Variants in NTM observed in about 807,000 individuals in gnomAD.
NTM encodes the protein neurotrimin.
A neutral mutation model predicts 42.1 loss-of-function variants in NTM; 13 were observed. The observed-to-expected ratio is 0.31, with a 90% CI of 0.20 to 0.49. The LOEUF is 0.49. Ranked by LOEUF, NTM falls within the 20% of genes least tolerant of loss-of-function variation. NTM has a pLI of 0.99. For synonymous variants in NTM, 187 were observed against 179.2 expected, an observed-to-expected ratio of 1.04 and a Z score of -0.35; for missense variants, 373 against 452.8, an observed-to-expected ratio of 0.82 and a Z score of 1.60.
chr11:131,481,523 G>A (rs745603523), intron 1 of NTM, among the ~76,000 whole-genome samples: 16 of 152,350 alleles, frequency 1.1e-4, no homozygotes, highest in Middle Eastern at 6.8e-3. Flanking sequence ...GATGTGGCCA[G>A]CAATGGCAAA....
chr11:131,408,956 G>C (rs1946096406), intron 1 of NTM, among the ~76,000 whole-genome samples: 1 of 152,204 alleles, frequency 6.6e-6, no homozygotes, highest in Admixed American at 6.5e-5. Flanking sequence ...TACCTTTGGA[G>C]AAACAGAAAT....
chr11:131,820,815 A>T (rs910286482), intron 1 of NTM, among the ~76,000 whole-genome samples: 2 of 152,208 alleles, frequency 1.3e-5, no homozygotes, highest in East Asian at 3.9e-4. Context: ...GATCAATCAC[A>T]ATGTTGTACT....
chr11:131,604,274 A>G (rs2060737839), intron 1 of NTM, among the ~76,000 whole-genome samples: 1 of 152,122 alleles, frequency 6.6e-6, no homozygotes, highest in Non-Finnish European at 1.5e-5. Context: ...TTCCCTAATG[A>G]GTAATGATGC....
At chr11:131,803,460 C>A (rs2092293205) in intron 1 of NTM, among the ~76,000 whole-genome samples, 1 of 152,040 alleles carries the variant, frequency 6.6e-6, no homozygotes, top group South Asian at 2.1e-4. Context: ...AGGTGTGCAC[C>A]ACCACACCCA....
intron 2 of NTM, among the ~76,000 whole-genome samples, chr11:131,928,525 G>A (rs187320659): frequency 2.0e-4 from 30 of 150,746 alleles, no homozygotes; most frequent in Admixed American, 1.8e-3. Context: ...GTGGTCTCCC[G>A]TCTGTGTTTT....
rs1339904054 is a variant in NTM, at chr11:131,660,230, C to T, written c.83-251334C>T. On this transcript the variant is annotated intron_variant, in intron 1 of 8. Transcript: ENST00000683400. Reference sequence around the variant, plus strand: ...TCATGTATTGAGGCAGGGGACTGAACACAATGACCCATTCAGGTGGTTGTT... The same window carrying T: ...TCATGTATTGAGGCAGGGGACTGAATACAATGACCCATTCAGGTGGTTGTT... 1.2e-5 allele frequency: 4 copies of T among 330,392 alleles called. No individual in the cohort carries two copies. In the East Asian group the frequency reaches 2.3e-4, roughly 19 times the overall value. 20.5% of individuals were successfully genotyped at this position (330,392 alleles called of 1,614,324 possible).
At chr11:131,744,970 T>G (rs1423887478) in intron 1 of NTM, among the ~76,000 whole-genome samples, 3 of 152,124 alleles carry the variant, frequency 2.0e-5, no homozygotes, top group African/African-American at 7.2e-5. Context: ...TGCAAGCACT[T>G]TGAGTGCTGA....
intron 1 of NTM, chr11:131,774,161 C>A: frequency 1.0e-6 from 1 of 974,654 alleles, no homozygotes; most frequent in Non-Finnish European, 1.2e-6. Flanking sequence ...GGAAACCCAT[C>A]AGCTCTAAGA....
intron 2 of NTM, among the ~76,000 whole-genome samples, chr11:132,049,408 TGCCAGTCTCCTC>T (rs2135898612): frequency 6.6e-6 from 1 of 152,280 alleles, no homozygotes; most frequent in African/African-American, 2.4e-5. Context: ...CTTTCATCCA[TGCCAGTCTCCTC>T]CCTGGAAGAG....
intron 1 of NTM, among the ~76,000 whole-genome samples, chr11:131,525,856 T>TA (rs1404275433): frequency 1.7e-4 from 26 of 152,100 alleles, no homozygotes; most frequent in Admixed American, 1.7e-3. Context: ...TGTGTGTGTG[T>TA]GTGTGCATGT....
chr11:132,047,917 G>A (rs2078245289), intron 2 of NTM, among the ~76,000 whole-genome samples: 2 of 152,290 alleles, frequency 1.3e-5, no homozygotes, highest in East Asian at 3.9e-4. Flanking sequence ...TGACATCTCA[G>A]TGTGGAGCTG....
At chr11:131,669,019 T>A (rs922362518) in intron 1 of NTM, among the ~76,000 whole-genome samples, 1 of 152,172 alleles carries the variant, frequency 6.6e-6, no homozygotes. Context: ...GGGCTGGAGC[T>A]TGGGGAAGCC....
At chr11:132,182,830 C>T (rs533698721) in intron 3 of NTM, among the ~76,000 whole-genome samples, 2 of 152,242 alleles carry the variant, frequency 1.3e-5, no homozygotes, top group African/African-American at 4.8e-5. Context: ...CCATCAAATT[C>T]TACCACTGAC....
At chr11:131,430,933 G>C (rs1209772902) in intron 1 of NTM, among the ~76,000 whole-genome samples, 2 of 152,240 alleles carry the variant, frequency 1.3e-5, no homozygotes, top group Non-Finnish European at 2.9e-5. Context: ...TGCTGGATCA[G>C]AGTTAGTATC....
intron 2 of NTM, among the ~76,000 whole-genome samples, chr11:131,923,771 C>T (rs1347732072): frequency 6.6e-6 from 1 of 152,162 alleles, no homozygotes; most frequent in African/African-American, 2.4e-5. Flanking sequence ...TCATGTTAAC[C>T]TTTCTTTATT....
rs373262399 is a variant in NTM at position 131,426,508 on chromosome 11, A to C, written c.82+55620A>C. 6.6e-5 allele frequency among the ~76,000 whole-genome samples: 10 copies of C among 152,318 alleles called. No homozygotes were observed. In the South Asian group the frequency reaches 8.3e-4, roughly 13 times the overall value. ...TACTGAGCAACTGTGAATAAGAAAC[A>C]ATTAAATTTGCTAAAGGTCTGCGAA... On this transcript the variant is annotated intron_variant, in intron 1 of 8. Transcript: ENST00000683400.
At chr11:131,469,188 G>A (rs1308919298) in intron 1 of NTM, among the ~76,000 whole-genome samples, 1 of 152,154 alleles carries the variant, frequency 6.6e-6, no homozygotes, top group Non-Finnish European at 1.5e-5. Flanking sequence ...CTGCCACTGT[G>A]AGGCCACCTC....
intron 1 of NTM, among the ~76,000 whole-genome samples, chr11:131,402,471 G>A (rs908708089): frequency 6.6e-6 from 1 of 151,368 alleles, no homozygotes; most frequent in South Asian, 2.1e-4. Flanking sequence ...TAGTTTCCAT[G>A]GGAAGTGTCA....
At chr11:132,107,659 T>C (rs994850743) in intron 2 of NTM, among the ~76,000 whole-genome samples, 1 of 152,140 alleles carries the variant, frequency 6.6e-6, no homozygotes, top group South Asian at 2.1e-4. Flanking sequence ...CATGAGCCAC[T>C]GTGCCTGACT....
Sources: allele counts gnomAD v4.1 joint callset (sites outside exome capture counted in the v4.1 genomes callset), GRCh38; gene constraint gnomAD v4.1.1; transcripts MANE v1.5; gene names NCBI Gene and HGNC (gene_info 2026-07-23, HGNC 2026-07-21).